ZCCHC17: variants seen among roughly 807,000 people sequenced by gnomAD.
ZCCHC17 encodes zinc finger CCHC domain-containing protein 17.
A neutral mutation model predicts 30.6 loss-of-function variants in ZCCHC17; 18 were observed. The ratio of observed to expected loss-of-function variants is 0.59; its 90% CI spans 0.41 to 0.87. The LOEUF is 0.87. Among genes scored for constraint, ZCCHC17 ranks in the 40% least tolerant of loss-of-function variants. The probability of loss-of-function intolerance (pLI) is 0.00; values close to 1 mark genes in which losing one functional copy is unlikely to be tolerated. For synonymous variants in ZCCHC17, 88 were observed against 92.4 expected (o/e 0.95, Z 0.27); for missense variants, 263 against 284.2 (o/e 0.93, Z 0.54).
At chr1:31,298,692 G>A (rs1394892243) in intron 1 of ZCCHC17, among the ~76,000 whole-genome samples, 4 of 152,154 alleles carry the variant, frequency 2.6e-5, no homozygotes, top group East Asian at 1.9e-4. Flanking sequence ...GCTGAGATCA[G>A]TTTTTATTGA....
At position 31,339,064 on chromosome 1, in the gene ZCCHC17, GGAAAGGT is replaced by G; in HGVS notation, c.317+21_317+27del. The G allele has an allele frequency of 6.3e-7, 1 of 1,581,408 alleles. No individual in the cohort carries two copies. Among genetic ancestry groups the G allele is most frequent in the Non-Finnish European group, 8.6e-7 (1 of 1,165,084 alleles). The stretch of plus-strand genomic sequence containing the variant: ...TTATCATTGAGTAAGTAAAAGGTTT[GGAAAGGT>G]GAAAATTCTTCTGCCTCCCAAATCA... On this transcript the variant is annotated intron_variant, in intron 5 of 7. Transcript: ENST00000344147.
intron 3 of ZCCHC17, among the ~76,000 whole-genome samples, chr1:31,327,338 T>C (rs1638394749): frequency 6.6e-6 from 1 of 152,212 alleles, no homozygotes; most frequent in Non-Finnish European, 1.5e-5. Flanking sequence ...CAATCAGCTG[T>C]AAACAGGGGT....
intron 1 of ZCCHC17, among the ~76,000 whole-genome samples, chr1:31,300,144 C>T (rs1045267584): frequency 9.2e-5 from 14 of 152,176 alleles, no homozygotes; most frequent in African/African-American, 1.9e-4. Context: ...ACTGTAGCCT[C>T]GACCTCCCAG....
chr1:31,325,720 T>G (rs1025979065), intron 3 of ZCCHC17, among the ~76,000 whole-genome samples: 2 of 152,244 alleles, frequency 1.3e-5, no homozygotes, highest in Non-Finnish European at 2.9e-5. Context: ...GGAACAGGCC[T>G]AGTGGCCCCA....
intron 2 of ZCCHC17, among the ~76,000 whole-genome samples, chr1:31,312,034 C>T (rs1406312013): frequency 6.6e-6 from 1 of 152,172 alleles, no homozygotes; most frequent in East Asian, 1.9e-4. Flanking sequence ...TGGAAGCAGA[C>T]AGTGAGCCCT....
intron 7 of ZCCHC17, among the ~76,000 whole-genome samples, chr1:31,362,715 G>T (rs1433774649): frequency 6.6e-6 from 1 of 152,186 alleles, no homozygotes; most frequent in Non-Finnish European, 1.5e-5. Flanking sequence ...TAGCAGTCAG[G>T]AGTTCTAAAT....
chr1:31,355,510 G>T (rs1639612359), intron 7 of ZCCHC17, among the ~76,000 whole-genome samples: 1 of 152,124 alleles, frequency 6.6e-6, no homozygotes, highest in South Asian at 2.1e-4. Context: ...GAGCTTCAGA[G>T]AAATTGACGT....
At chr1:31,358,644 C>T (rs1639739825) in intron 7 of ZCCHC17, among the ~76,000 whole-genome samples, 1 of 150,182 alleles carries the variant, frequency 6.7e-6, no homozygotes, top group Non-Finnish European at 1.5e-5. Context: ...GAGTAGGGAG[C>T]AGTCAGGAGT....
At chr1:31,299,561 A>G (rs1010364180) in intron 1 of ZCCHC17, among the ~76,000 whole-genome samples, 1 of 152,244 alleles carries the variant, frequency 6.6e-6, no homozygotes, top group Non-Finnish European at 1.5e-5. Flanking sequence ...TGAGTCATCC[A>G]GTTTTGCTGC....
intron 1 of ZCCHC17, among the ~76,000 whole-genome samples, chr1:31,301,470 G>A (rs1164090138): frequency 6.6e-6 from 1 of 152,200 alleles, no homozygotes; most frequent in East Asian, 1.9e-4. Flanking sequence ...ATTATTGAAT[G>A]TCATGAAGAT....
At position 31,305,457 on chromosome 1, in the gene ZCCHC17, T is replaced by C. The variant is rs144870868; in HGVS notation, c.-55-4587T>C. Among the ~76,000 whole-genome samples, 41 of 152,176 alleles carry C rather than the reference T, an allele frequency of 2.7e-4. No individual in the cohort carries two copies. In the East Asian group the frequency reaches 6.4e-3, roughly 24 times the overall value. ...ACTATGCCGAGCTAATTTATTTTAT[T>C]TTTTGTATTTTTAGTAGAGATAGGG... On this transcript the variant is annotated intron_variant, in intron 1 of 7. Coordinates refer to ENST00000344147, the MANE Select transcript of ZCCHC17 (RefSeq NM_016505.4).
rs1638930073 is a variant in ZCCHC17, at chr1:31,339,023, C to T, written c.292C>T (p.Leu98Phe). ...KVVNQGTGKD[L>F]DPNNVIIEQE... The stretch of plus-strand genomic sequence containing the variant: ...TGTCAATCAAGGGACTGGGAAAGAC[C>T]TTGATCCCAACAATGTTATCATTGA... The change falls in exon 5 of 8, where the codon CTT becomes TTT. Residue 98 changes from leucine (L) to phenylalanine (F), a missense_variant. Leu to Phe is a conservative substitution (Grantham distance 22). Transcript: ENST00000344147. 6.2e-7 allele frequency: 1 copy of T among 1,611,466 alleles called. No individual in the cohort carries two copies. The highest frequency in any genetic ancestry group is 1.3e-5 in the African/African-American group (1 of 74,754).
At chr1:31,331,984 T>C (rs1165460794) in intron 3 of ZCCHC17, among the ~76,000 whole-genome samples, 1 of 152,170 alleles carries the variant, frequency 6.6e-6, no homozygotes, top group Non-Finnish European at 1.5e-5. Flanking sequence ...AAAATAGTTG[T>C]CTCCCTTTTG....
intron 3 of ZCCHC17, among the ~76,000 whole-genome samples, chr1:31,322,864 G>T (rs565779634): frequency 5.3e-5 from 8 of 152,200 alleles, no homozygotes; most frequent in South Asian, 4.1e-4. Flanking sequence ...TGGGACTACA[G>T]GTGTGCACCA....
At position 31,312,803 on chromosome 1, in the gene ZCCHC17, A is replaced by G. The variant is rs1480805065; in HGVS notation, c.66+2639A>G. Among the ~76,000 whole-genome samples, 3 of 152,306 alleles carry G rather than the reference A, an allele frequency of 2.0e-5. No individual in the cohort carries two copies. The East Asian group carries it at 5.8e-4, about 29-fold the overall frequency. On this transcript the variant is annotated intron_variant, in intron 2 of 7. Coordinates refer to ENST00000344147, the MANE Select transcript of ZCCHC17 (RefSeq NM_016505.4). Reference sequence around the variant, plus strand: ...AGACAGAGTTTTGCTCTTGTTGCCCAGGTTGGAGTGCAATGGTGTGATCTC... The same window carrying G: ...AGACAGAGTTTTGCTCTTGTTGCCCGGGTTGGAGTGCAATGGTGTGATCTC...
chr1:31,333,488 A>T (rs1296857407), intron 3 of ZCCHC17, among the ~76,000 whole-genome samples: 14 of 152,146 alleles, frequency 9.2e-5, no homozygotes. Context: ...GTGCCACTGC[A>T]CTCCAGCCTG....
chr1:31,317,540 A>C (rs1285827762), intron 2 of ZCCHC17, among the ~76,000 whole-genome samples: 1 of 152,256 alleles, frequency 6.6e-6, no homozygotes, highest in East Asian at 1.9e-4. Flanking sequence ...AGTTGTGTGC[A>C]AGATCCTACA....
At chr1:31,326,241 C>T (rs1479326239) in intron 3 of ZCCHC17, among the ~76,000 whole-genome samples, 1 of 151,898 alleles carries the variant, frequency 6.6e-6, no homozygotes, top group African/African-American at 2.4e-5. Flanking sequence ...AAGGGATGTA[C>T]ATGGAAGAGG....
At chr1:31,318,264 C>A in intron 2 of ZCCHC17, 1 of 1,492,402 alleles carries the variant, frequency 6.7e-7, no homozygotes, top group Non-Finnish European at 9.0e-7. Context: ...GAATATTTTA[C>A]AAATAATCAT....
Sources: gnomAD v4.1 joint callset for allele counts (sites outside exome capture counted in the v4.1 genomes callset) on GRCh38, gnomAD v4.1.1 for gene constraint, MANE v1.5 for transcripts, NCBI Gene and HGNC (gene_info 2026-07-23, HGNC 2026-07-21) for gene names.